CLASP1: variants seen among roughly 807,000 people sequenced by gnomAD.
The protein encoded by CLASP1 is CLIP-associating protein 1.
CLASP1 carries 38 observed loss-of-function variants against 192.3 expected under a neutral mutation model. The observed-to-expected ratio is 0.20, with a 90% confidence interval of 0.15 to 0.26. CLASP1 has a LOEUF of 0.26. Ranked by LOEUF, CLASP1 falls within the 10% of genes least tolerant of loss-of-function variation. CLASP1 has a pLI of 1.00. For synonymous variants in CLASP1, 691 were observed against 712.8 expected, an observed-to-expected ratio of 0.97 and a Z score of 0.49; for missense variants, 1,433 against 1,932.5, an observed-to-expected ratio of 0.74 and a Z score of 4.85.
At chr2:121,558,374 TG>T (rs1451198252) in intron 2 of CLASP1, among the ~76,000 whole-genome samples, 1 of 152,218 alleles carries the variant, frequency 6.6e-6, no homozygotes, top group Non-Finnish European at 1.5e-5. Flanking sequence ...ATCTCTGCTA[TG>T]GTTTGAATGT....
chr2:121,442,117 G>T (rs1301657333), intron 19 of CLASP1, among the ~76,000 whole-genome samples: 1 of 151,922 alleles, frequency 6.6e-6, no homozygotes, highest in Admixed American at 6.6e-5. Flanking sequence ...TACTTATTTT[G>T]GGAAAAATAT....
chr2:121,397,318 C>T (rs773477726), intron 29 of CLASP1, 35 bp from the exon 31 acceptor site: 31 of 1,581,992 alleles, frequency 2.0e-5, no homozygotes, highest in Non-Finnish European at 1.3e-5. Context: ...ATTAAGTACA[C>T]TTGATGAATC....
chr2:121,624,010 T>G (rs1485382927), intron 1 of CLASP1, among the ~76,000 whole-genome samples: 1 of 152,132 alleles, frequency 6.6e-6, no homozygotes, highest in African/African-American at 2.4e-5. Context: ...AGTAGTGATG[T>G]CCCTTCTTTC....
chr2:121,624,029 T>C (rs1240144368), intron 1 of CLASP1, among the ~76,000 whole-genome samples: 1 of 152,180 alleles, frequency 6.6e-6, no homozygotes, highest in East Asian at 1.9e-4. Flanking sequence ...TCATTCCTCA[T>C]TTTATTAATT....
intron 33 of CLASP1, among the ~76,000 whole-genome samples, chr2:121,381,325 TC>T (rs1177353631): frequency 6.6e-6 from 1 of 152,086 alleles, no homozygotes; most frequent in Non-Finnish European, 1.5e-5. Context: ...TTAACCCTTT[TC>T]CTATCACACC....
At chr2:121,558,427 G>A (rs1243892938) in intron 2 of CLASP1, among the ~76,000 whole-genome samples, 2 of 152,224 alleles carry the variant, frequency 1.3e-5, no homozygotes, top group African/African-American at 4.8e-5. Flanking sequence ...CTACAATGCT[G>A]CAGTACTGAA....
At chr2:121,367,540 C>G in intron 35 of CLASP1, 48 bp downstream of exon 36, 2 of 1,610,676 alleles carry the variant, frequency 1.2e-6, no homozygotes, top group Non-Finnish European at 1.7e-6. Context: ...GGAGGGAGCA[C>G]AAGGGAAGCA....
At chr2:121,479,397 AAAC>A (rs2092402898) in intron 8 of CLASP1, among the ~76,000 whole-genome samples, 1 of 152,240 alleles carries the variant, frequency 6.6e-6, no homozygotes, top group Admixed American at 6.5e-5. Flanking sequence ...CAAATTAAGA[AAAC>A]AACAATAGCA....
chr2:121,586,530 C>T (rs1344623742), intron 2 of CLASP1, among the ~76,000 whole-genome samples: 2 of 152,128 alleles, frequency 1.3e-5, no homozygotes, highest in African/African-American at 4.8e-5. Context: ...TAATTCTCTC[C>T]ACCCCCCTTA....
intron 2 of CLASP1, among the ~76,000 whole-genome samples, chr2:121,575,819 G>A (rs915803846): frequency 6.6e-6 from 1 of 152,202 alleles, no homozygotes; most frequent in Non-Finnish European, 1.5e-5. Flanking sequence ...AATCTCTAAA[G>A]CATCGGTGTA....
At chr2:121,558,388 C>T (rs1294823617) in intron 2 of CLASP1, among the ~76,000 whole-genome samples, 1 of 152,070 alleles carries the variant, frequency 6.6e-6, no homozygotes. Context: ...TTGAATGTGC[C>T]CCCCCAAATT....
intron 24 of CLASP1, chr2:121,408,889 C>T: frequency 1.4e-6 from 1 of 713,832 alleles, no homozygotes; most frequent in Non-Finnish European, 2.5e-6. Context: ...TGGTGAATCA[C>T]TGTTATGATT....
intron 28 of CLASP1, among the ~76,000 whole-genome samples, chr2:121,400,356 A>G (rs1237281503): frequency 6.6e-6 from 1 of 152,204 alleles, no homozygotes; most frequent in Admixed American, 6.5e-5. Context: ...GTCAAGGGCC[A>G]AAAGAAAACA....
chr2:121,585,002 G>A (rs1291055061), intron 2 of CLASP1, among the ~76,000 whole-genome samples: 2 of 151,592 alleles, frequency 1.3e-5, no homozygotes, highest in East Asian at 2.0e-4. Context: ...CAGCACTTAC[G>A]ATACGTCAAC....
chr2:121,384,163 T>TACAC (rs1250090872), intron 32 of CLASP1, among the ~76,000 whole-genome samples: 15 of 142,090 alleles, frequency 1.1e-4, no homozygotes, highest in African/African-American at 4.4e-4. Context: ...CACACATATA[T>TACAC]ATATATACAC....
intron 2 of CLASP1, among the ~76,000 whole-genome samples, chr2:121,594,488 G>T (rs574244951): frequency 4.7e-4 from 71 of 150,978 alleles, no homozygotes; most frequent in African/African-American, 1.4e-3. Flanking sequence ...CGCCTCCCGG[G>T]TTCACACCAT....
intron 2 of CLASP1, among the ~76,000 whole-genome samples, chr2:121,538,109 T>C (rs954282421): frequency 1.3e-5 from 2 of 152,096 alleles, no homozygotes; most frequent in Non-Finnish European, 2.9e-5. Flanking sequence ...CTAACTAATT[T>C]TGGCAAGAAA....
At chr2:121,574,383 C>T (rs2105455503) in intron 2 of CLASP1, among the ~76,000 whole-genome samples, 1 of 151,128 alleles carries the variant, frequency 6.6e-6, no homozygotes, top group South Asian at 2.1e-4. Context: ...ACCTGTAATC[C>T]TAGCACTTTG....
chr2:121,473,460 G>A (rs989061665), intron 8 of CLASP1, among the ~76,000 whole-genome samples: 3 of 152,106 alleles, frequency 2.0e-5, no homozygotes, highest in South Asian at 2.1e-4. Context: ...ATAAATAAAC[G>A]GAATAGAGTC....
Sources: gnomAD v4.1 joint callset for allele counts (sites outside exome capture counted in the v4.1 genomes callset) on GRCh38, gnomAD v4.1.1 for gene constraint, MANE v1.5 for transcripts, NCBI Gene and HGNC (gene_info 2026-07-23, HGNC 2026-07-21) for gene names.